The following NKAIN2 variants were observed in gnomAD, a reference collection of about 807,000 sequenced individuals.
The protein encoded by NKAIN2 is sodium/potassium-transporting ATPase subunit beta-1-interacting protein 2.
A neutral mutation model predicts 32.6 loss-of-function variants in NKAIN2; 14 were observed. The ratio of observed to expected loss-of-function variants is 0.43; its 90% CI spans 0.28 to 0.67. The LOEUF is 0.67. Among genes scored for constraint, NKAIN2 ranks in the 30% least tolerant of loss-of-function variants. The probability of loss-of-function intolerance (pLI) is 0.17; values close to 1 mark genes in which losing one functional copy is unlikely to be tolerated. For missense variants in NKAIN2, 198 were observed against 258.3 expected, an observed-to-expected ratio of 0.77 and a Z score of 1.60; for synonymous variants, 80 against 87.2, an observed-to-expected ratio of 0.92 and a Z score of 0.46.
chr6:124,284,003 A>T (rs1490635701), intron 2 of NKAIN2, among the ~76,000 whole-genome samples: 2 of 152,078 alleles, frequency 1.3e-5, no homozygotes, highest in East Asian at 3.9e-4. Context: ...CGTCCTCATT[A>T]AAGATGCCCC....
At chr6:124,632,734 G>C (rs1471229673) in intron 3 of NKAIN2, among the ~76,000 whole-genome samples, 1 of 152,124 alleles carries the variant, frequency 6.6e-6, no homozygotes, top group African/African-American at 2.4e-5. Context: ...TTTAGACTTA[G>C]AAGTTTATAT....
intron 3 of NKAIN2, among the ~76,000 whole-genome samples, chr6:124,499,721 C>G (rs1420797837): frequency 6.6e-6 from 1 of 152,164 alleles, no homozygotes; most frequent in Admixed American, 6.5e-5. Context: ...ATCCAAAGCT[C>G]TGTGAGGATT....
intron 1 of NKAIN2, among the ~76,000 whole-genome samples, chr6:124,219,155 A>T (rs1423775835): frequency 6.6e-6 from 1 of 152,214 alleles, no homozygotes; most frequent in Non-Finnish European, 1.5e-5. Flanking sequence ...GCCAAACCAT[A>T]TCAAGTATGA....
chr6:124,730,589 C>G (rs1316126553), intron 4 of NKAIN2, among the ~76,000 whole-genome samples: 1 of 139,550 alleles, frequency 7.2e-6, no homozygotes, highest in East Asian at 2.3e-4. Context: ...AAATGTTAGA[C>G]CTAAAACCAT....
intron 5 of NKAIN2, among the ~76,000 whole-genome samples, chr6:124,798,808 G>A (rs775747688): frequency 1.1e-4 from 16 of 152,022 alleles, no homozygotes; most frequent in East Asian, 1.9e-4. Context: ...ATGACCTTCC[G>A]ACATTCAAAT....
chr6:124,676,413 T>A (rs1396284944), intron 4 of NKAIN2, among the ~76,000 whole-genome samples: 5 of 152,196 alleles, frequency 3.3e-5, no homozygotes, highest in African/African-American at 1.2e-4. Flanking sequence ...CATTATTGAA[T>A]GTGGGGTATT....
chr6:123,914,182 A>G (rs928719659), intron 1 of NKAIN2, among the ~76,000 whole-genome samples: 2 of 152,104 alleles, frequency 1.3e-5, no homozygotes, highest in Middle Eastern at 3.4e-3. Context: ...TCTTCTCACT[A>G]TGTGCTCATA....
intron 3 of NKAIN2, among the ~76,000 whole-genome samples, chr6:124,493,306 G>A (rs1777937168): frequency 6.6e-6 from 1 of 151,982 alleles, no homozygotes; most frequent in South Asian, 2.1e-4. Flanking sequence ...GACAACTTTA[G>A]CCTGTAGAAA....
intron 2 of NKAIN2, among the ~76,000 whole-genome samples, chr6:124,347,892 T>C (rs1029980522): frequency 2.0e-5 from 3 of 152,212 alleles, no homozygotes; most frequent in African/African-American, 7.2e-5. Context: ...CTGCGTTCCT[T>C]TGGAGGAGGA....
intron 1 of NKAIN2, among the ~76,000 whole-genome samples, chr6:123,885,947 A>G (rs1294046089): frequency 1.3e-5 from 2 of 151,154 alleles, no homozygotes; most frequent in Non-Finnish European, 3.0e-5. Context: ...AGCAATGATC[A>G]AAAGAAAAAA....
At chr6:124,653,604 CTT>C (rs1480342242) in intron 3 of NKAIN2, among the ~76,000 whole-genome samples, 6 of 151,878 alleles carry the variant, frequency 4.0e-5, no homozygotes, top group African/African-American at 1.5e-4. Context: ...TTGGCAATGA[CTT>C]TTAAAATATG....
intron 2 of NKAIN2, among the ~76,000 whole-genome samples, chr6:124,306,220 C>A (rs931457020): frequency 6.6e-6 from 1 of 152,066 alleles, no homozygotes; most frequent in Non-Finnish European, 1.5e-5. Context: ...GGAAGGAGGA[C>A]CTTTGAAAAA....
chr6:124,090,802 T>A (rs1481726024), intron 1 of NKAIN2, among the ~76,000 whole-genome samples: 4 of 152,102 alleles, frequency 2.6e-5, no homozygotes, highest in South Asian at 4.1e-4. Context: ...ATGCTGAACT[T>A]TTATAATCGT....
At chr6:124,809,712 G>A (rs1445922298) in intron 5 of NKAIN2, among the ~76,000 whole-genome samples, 1 of 151,584 alleles carries the variant, frequency 6.6e-6, no homozygotes, top group Non-Finnish European at 1.5e-5. Flanking sequence ...CAAAATGGGA[G>A]AAAATTTTCA....
At chr6:124,772,650 G>T (rs1222206274) in intron 4 of NKAIN2, among the ~76,000 whole-genome samples, 4 of 152,206 alleles carry the variant, frequency 2.6e-5, no homozygotes, top group Non-Finnish European at 4.4e-5. Flanking sequence ...TCACTAAAAT[G>T]ATCTCCAATG....
intron 3 of NKAIN2, among the ~76,000 whole-genome samples, chr6:124,519,511 T>C (rs942464789): frequency 6.6e-6 from 1 of 152,228 alleles, no homozygotes; most frequent in African/African-American, 2.4e-5. Flanking sequence ...ATTCGAGATA[T>C]AGAAATTATA....
At chr6:123,825,210 A>T (rs1437313484) in intron 1 of NKAIN2, among the ~76,000 whole-genome samples, 1 of 152,024 alleles carries the variant, frequency 6.6e-6, no homozygotes. Flanking sequence ...CAGGCCCCAG[A>T]TCTTAATACC....
At chr6:124,500,412 G>A (rs993316642) in intron 3 of NKAIN2, among the ~76,000 whole-genome samples, 7 of 152,062 alleles carry the variant, frequency 4.6e-5, no homozygotes, top group Admixed American at 4.6e-4. Context: ...ACTTTGGGAG[G>A]CTGAGGCTGG....
intron 1 of NKAIN2, among the ~76,000 whole-genome samples, chr6:123,833,198 G>T (rs952177173): frequency 2.6e-5 from 4 of 152,112 alleles, no homozygotes; most frequent in Admixed American, 6.5e-5. Context: ...TTGTAGAAAA[G>T]ACTATCCTTG....
Sources: allele counts gnomAD v4.1 joint callset (sites outside exome capture counted in the v4.1 genomes callset), GRCh38; gene constraint gnomAD v4.1.1; transcripts MANE v1.5; gene names NCBI Gene and HGNC (gene_info 2026-07-23, HGNC 2026-07-21).